The following CEP164 variants were observed in gnomAD, a reference collection of about 807,000 sequenced individuals.
CEP164 encodes centrosomal protein of 164 kDa.
In CEP164, 162 loss-of-function variants were observed where a neutral mutation model predicts 182.7. The observed-to-expected ratio is 0.89, with a 90% CI of 0.78 to 1.01. CEP164 has a LOEUF of 1.01. Among genes scored for constraint, CEP164 ranks in the 50% least tolerant of loss-of-function variants. CEP164 has a pLI of 0.00. For synonymous variants in CEP164, 661 were observed against 690.0 expected (o/e 0.96, Z 0.66); for missense variants, 1,735 against 1,790.4 (o/e 0.97, Z 0.56).
chr11:117,347,892 T>G (rs1035265228), intron 4 of CEP164, among the ~76,000 whole-genome samples: 1 of 152,198 alleles, frequency 6.6e-6, no homozygotes, highest in Admixed American at 6.5e-5. Context: ...ATATTTACCC[T>G]GTAGAAAAAT....
intron 5 of CEP164, among the ~76,000 whole-genome samples, chr11:117,358,211 C>A (rs769247459): frequency 1.3e-5 from 2 of 152,154 alleles, no homozygotes; most frequent in Non-Finnish European, 2.9e-5. Context: ...AGGACAACTC[C>A]ACGCATAGCC....
intron 6 of CEP164, 84 bp from the exon 7 acceptor site, chr11:117,362,320 C>A: frequency 7.0e-7 from 1 of 1,428,972 alleles, no homozygotes; most frequent in Non-Finnish European, 9.6e-7. Flanking sequence ...GAGACATTGA[C>A]ATAGAGAGTG....
intron 3 of CEP164, among the ~76,000 whole-genome samples, chr11:117,343,864 G>C (rs2509212): frequency 0.69 from 105,288 of 151,782 alleles, 36,745 homozygotes; most frequent in Admixed American, 0.77. Context: ...CTCCTGACCT[G>C]ATGATCTACC....
Position 117,411,725 on chromosome 11 carries a change from G to A in CEP164, c.4164-70G>A. On this transcript the variant is annotated intron_variant, in intron 31 of 32. Transcript: ENST00000278935. The surrounding 1 kb of genome is among the most constrained non-coding windows in gnomAD (Gnocchi z 4.4). Reference sequence around the variant, plus strand: ...GAGGGAGGAGGTGACAGATGTGATGGCCTCTGTGCATCCTCTGTCACTTCC... The same window carrying A: ...GAGGGAGGAGGTGACAGATGTGATGACCTCTGTGCATCCTCTGTCACTTCC... 6.3e-7 allele frequency: 1 copy of A among 1,588,834 alleles called. No homozygotes were observed. The highest frequency in any genetic ancestry group is 1.1e-5 in the South Asian group (1 of 87,906).
At chr11:117,387,160 G>A in intron 14 of CEP164, 43 bp from the exon 15 acceptor site, 2 of 1,541,278 alleles carry the variant, frequency 1.3e-6, no homozygotes, top group Non-Finnish European at 1.8e-6. Context: ...GAGGTGGGTG[G>A]ACATTAACCC....
intron 10 of CEP164, among the ~76,000 whole-genome samples, chr11:117,374,862 G>A (rs2042579215): frequency 6.6e-6 from 1 of 152,170 alleles, no homozygotes; most frequent in Non-Finnish European, 1.5e-5. Flanking sequence ...CATTAATCAG[G>A]GCTGATGTGA....
chr11:117,370,683 G>T (rs1323589336), intron 8 of CEP164, among the ~76,000 whole-genome samples: 1 of 152,178 alleles, frequency 6.6e-6, no homozygotes, highest in East Asian at 1.9e-4. Context: ...GGCTGAGGCG[G>T]GTGGATTGCT....
In CEP164 at chr11:117,412,426, G is replaced by A. The variant is rs1020679931; in HGVS notation, c.*258G>A. ...CAAGCTGATGGCGTGCGGTGGCTGC[G>A]GGGTATCAGGGCCGGGAGCCCTTTG... On this transcript the variant is annotated 3_prime_UTR_variant, in exon 33 of 33. Coordinates refer to ENST00000278935, the MANE Select transcript of CEP164 (RefSeq NM_014956.5). 6 of 354,326 alleles carry A rather than the reference G, an allele frequency of 1.7e-5. No individual in the cohort carries two copies. The highest frequency in any genetic ancestry group is 2.6e-5 in the Non-Finnish European group (5 of 191,362). The allele number at this position is 354,326 out of a possible 1,614,324, so 21.9% of individuals were successfully genotyped here.
upstream of CEP164, among the ~76,000 whole-genome samples, chr11:117,325,037 C>A (rs2035378604): frequency 6.6e-6 from 1 of 152,180 alleles, no homozygotes; most frequent in Non-Finnish European, 1.5e-5. Context: ...CCCAGAATTC[C>A]TTCCCAGTCT....
chr11:117,397,774 C>G (rs1420619083), intron 27 of CEP164, among the ~76,000 whole-genome samples: 1 of 152,132 alleles, frequency 6.6e-6, no homozygotes, highest in Non-Finnish European at 1.5e-5. Context: ...CCCTGTGATT[C>G]AAATTATCTC....
chr11:117,373,668 G>A, intron 9 of CEP164, 83 bp from the exon 10 acceptor site: 1 of 1,235,642 alleles, frequency 8.1e-7, no homozygotes, highest in East Asian at 2.3e-5. Flanking sequence ...TTGGCCCCAT[G>A]GCCTGAACAG....
At chr11:117,362,775 A>G (rs184550017) in intron 7 of CEP164, among the ~76,000 whole-genome samples, 6 of 152,250 alleles carry the variant, frequency 3.9e-5, no homozygotes, top group African/African-American at 9.6e-5. Context: ...GAACTTGTTC[A>G]TCATCCCAAA....
At chr11:117,374,796 G>T (rs1440401152) in intron 10 of CEP164, among the ~76,000 whole-genome samples, 1 of 152,234 alleles carries the variant, frequency 6.6e-6, no homozygotes, top group African/African-American at 2.4e-5. Flanking sequence ...CTTCTCTATG[G>T]AAGTAGATGG....
At position 117,411,781 on chromosome 11, in the gene CEP164, C is replaced by T. The variant is rs2047385886; in HGVS notation, c.4164-14C>T. On this transcript the variant is annotated splice_polypyrimidine_tract_variant and intron_variant, in intron 31 of 32. Transcript: ENST00000278935. This position sits in a 1 kb window ranked among gnomAD's most constrained non-coding sequence, Gnocchi z 4.4. The stretch of plus-strand genomic sequence containing the variant: ...TCCTCTCTCCCCTCGCCATGCTCTC[C>T]TCTTCCTTCCCAGTGAGCAGCTCCG... 2 of 1,613,908 alleles carry T rather than the reference C, an allele frequency of 1.2e-6. No homozygotes were observed. Among genetic ancestry groups the T allele is most frequent in the African/African-American group, 2.7e-5 (2 of 74,920 alleles).
At chr11:117,381,612 G>T in intron 12 of CEP164, 89 bp from the exon 13 acceptor site, 1 of 1,422,268 alleles carries the variant, frequency 7.0e-7, no homozygotes, top group South Asian at 1.4e-5. Context: ...AGGAGGCAAT[G>T]ACCTAGGTCC....
At chr11:117,396,496 G>T in intron 25 of CEP164, 54 bp from the exon 26 acceptor site, 2 of 1,459,264 alleles carry the variant, frequency 1.4e-6, no homozygotes. Flanking sequence ...TCTTGAACCT[G>T]CAGGGTGTCT....
chr11:117,350,765 C>T (rs1490494662), intron 4 of CEP164, among the ~76,000 whole-genome samples: 1 of 151,958 alleles, frequency 6.6e-6, no homozygotes, highest in Admixed American at 6.6e-5. Context: ...CTGAATGCCT[C>T]TCCAGTGGGT....
chr11:117,355,082 A>C (rs1004400486), intron 5 of CEP164: 3 of 1,289,724 alleles, frequency 2.3e-6, no homozygotes, highest in African/African-American at 1.5e-5. Context: ...GAGCCCAGGC[A>C]TGCTGGGTGA....
chr11:117,410,696 T>C (rs1383478224), intron 30 of CEP164, 132 bp from the exon 31 acceptor site: 5 of 650,250 alleles, frequency 7.7e-6, no homozygotes, highest in African/African-American at 7.3e-5. Flanking sequence ...ACCATTCCTG[T>C]CTCTCACCTG....
Sources: gnomAD v4.1 joint callset for allele counts (sites outside exome capture counted in the v4.1 genomes callset) on GRCh38, gnomAD v4.1.1 for gene constraint, Gnocchi (gnomAD v3.1) non-coding constraint, MANE v1.5 for transcripts, NCBI Gene and HGNC (gene_info 2026-07-23, HGNC 2026-07-21) for gene names.